The following FUT8 variants were observed in gnomAD, a reference collection of about 807,000 sequenced individuals.
FUT8 encodes alpha-(1,6)-fucosyltransferase.
FUT8 carries 29 observed loss-of-function variants against 71.3 expected under a neutral mutation model. The observed-to-expected ratio is 0.41, with a 90% CI of 0.30 to 0.55. The LOEUF (loss-of-function observed/expected upper bound fraction) is 0.55. Among genes scored for constraint, FUT8 ranks in the 20% least tolerant of loss-of-function variants. FUT8 has a pLI of 0.34. For missense variants in FUT8, 544 were observed against 702.1 expected, an observed-to-expected ratio of 0.77 and a Z score of 2.55; for synonymous variants, 254 against 239.3, an observed-to-expected ratio of 1.06 and a Z score of -0.57.
intron 3 of FUT8, among the ~76,000 whole-genome samples, chr14:65,591,780 C>T (rs1321290975): frequency 1.3e-5 from 2 of 150,048 alleles, no homozygotes; most frequent in Non-Finnish European, 3.0e-5. Flanking sequence ...TTGCCTTTCT[C>T]TTAAAGTATT....
chr14:65,642,971 G>A (rs1890909988), intron 6 of FUT8, among the ~76,000 whole-genome samples: 1 of 151,992 alleles, frequency 6.6e-6, no homozygotes, highest in South Asian at 2.1e-4. Flanking sequence ...TTCCAATATG[G>A]ATTCTAGTTG....
At position 65,563,651 on chromosome 14, in the gene FUT8, A is replaced by AT. The variant is rs942396285; in HGVS notation, c.203+1890dup. Among the ~76,000 whole-genome samples the AT allele has an allele frequency of 9.1e-4, 138 of 152,082 alleles. 1 individual carries two copies. The highest frequency in any genetic ancestry group is 3.3e-3 in the African/African-American group (135 of 41,508). ...TCATGGGAATTTTGCTCCTAAAAAG[A>AT]TTTTTCCCCTTAACAATTTAGACTT... On this transcript the variant is annotated intron_variant, in intron 3 of 10. Coordinates refer to ENST00000673929, the MANE Select transcript of FUT8 (RefSeq NM_001371533.1).
chr14:65,564,039 A>C (rs1317348961), intron 3 of FUT8, among the ~76,000 whole-genome samples: 2 of 151,974 alleles, frequency 1.3e-5, no homozygotes, highest in Non-Finnish European at 2.9e-5. Flanking sequence ...CCTCAACCTC[A>C]TTGGGCCCTT....
chr14:65,513,972 G>A (rs1013282213), intron 2 of FUT8, among the ~76,000 whole-genome samples: 12 of 152,222 alleles, frequency 7.9e-5, no homozygotes, highest in Admixed American at 2.0e-4. Context: ...TCGCTTCAGG[G>A]CACAATTTTA....
intron 6 of FUT8, among the ~76,000 whole-genome samples, chr14:65,640,553 T>G (rs1327282590): frequency 6.6e-6 from 1 of 152,128 alleles, no homozygotes; most frequent in Non-Finnish European, 1.5e-5. Context: ...CAGTATTTAC[T>G]CATATTATTT....
Position 65,613,451 on chromosome 14 carries a change from C to CA in FUT8, c.204-2526dup, listed in dbSNP as rs138669730. Among the ~76,000 whole-genome samples, 875 of 152,298 alleles carry CA rather than the reference C, an allele frequency of 5.7e-3. 31 individuals carry two copies. The East Asian group carries it at 0.093, about 16-fold the overall frequency. ...AACTTTAAAAAACTATATACCAGGA[C>CA]ATGCCTCATTTGTGAATGTATGCGT... is the stretch of plus-strand genomic sequence containing the variant. On this transcript the variant is annotated intron_variant, in intron 3 of 10. Coordinates refer to ENST00000673929, the MANE Select transcript of FUT8 (RefSeq NM_001371533.1).
intron 6 of FUT8, among the ~76,000 whole-genome samples, chr14:65,659,349 ATTG>A (rs1457453281): frequency 6.6e-6 from 1 of 152,064 alleles, no homozygotes; most frequent in African/African-American, 2.4e-5. Context: ...ATCTAGTCTA[ATTG>A]TTGTTGATGG....
chr14:65,608,586 G>A (rs781161467), intron 3 of FUT8, among the ~76,000 whole-genome samples: 1 of 151,872 alleles, frequency 6.6e-6, no homozygotes, highest in Non-Finnish European at 1.5e-5. Flanking sequence ...GTACCTTTTT[G>A]TTTGAATAAA....
At chr14:65,567,777 A>T (rs944626173) in intron 3 of FUT8, among the ~76,000 whole-genome samples, 1 of 151,876 alleles carries the variant, frequency 6.6e-6, no homozygotes, top group Non-Finnish European at 1.5e-5. Context: ...TTAAGCAGAT[A>T]TTCTCTCCCT....
chr14:65,575,572 CT>C, intron 3 of FUT8, among the ~76,000 whole-genome samples: 1 of 2,710 alleles, frequency 3.7e-4, no homozygotes, highest in Non-Finnish European at 4.7e-3. Context: ...CCCTTCTTTC[CT>C]TCCTTCCTTC....
At chr14:65,693,135 C>T (rs1893782399) in intron 7 of FUT8, among the ~76,000 whole-genome samples, 1 of 152,218 alleles carries the variant, frequency 6.6e-6, no homozygotes, top group Admixed American at 6.5e-5. Context: ...AATCTCGGCA[C>T]TTTGGGAGGC....
In FUT8 at chr14:65,439,954, G is replaced by GTATACGTATATATATATATA. The variant is rs1555360999; in HGVS notation, c.-325-15663_-325-15662insCGTATATATATATATATATA. Among the ~76,000 whole-genome samples, 39 of 74,984 alleles carry GTATACGTATATATATATATA rather than the reference G, an allele frequency of 5.2e-4. 1 individual carries two copies. Among genetic ancestry groups the GTATACGTATATATATATATA allele is most frequent in the Non-Finnish European group, 8.9e-4 (36 of 40,304 alleles). 49.2% of individuals were successfully genotyped at this position (74,984 alleles called of 152,430 possible). A position where few individuals can be genotyped will look rare whatever the true frequency, so the allele number is the denominator to read the frequency against. ...ATAAAGAAAATGTGTGTGTGTGTGTGTATATATATATATATATATATATAT... is the reference window on the plus strand; with the variant it reads ...ATAAAGAAAATGTGTGTGTGTGTGTGTATACGTATATATATATATATATATATATATATATATATATATAT... On this transcript the variant is annotated intron_variant, in intron 1 of 10. Coordinates refer to ENST00000673929, the MANE Select transcript of FUT8 (RefSeq NM_001371533.1).
Position 65,652,920 on chromosome 14 carries a change from A to G in FUT8, c.598-16323A>G, listed in dbSNP as rs958161645. On this transcript the variant is annotated intron_variant, in intron 6 of 10. Transcript: ENST00000673929. The surrounding 1 kb of genome is among the most constrained non-coding windows in gnomAD (Gnocchi z 4.0). ...ATGCGATAGCAGGGGATCATTGGCC[A>G]TCTCTCTCTGTATTGGTCTTTTCAG... is the stretch of plus-strand genomic sequence containing the variant. Among the ~76,000 whole-genome samples the G allele has an allele frequency of 2.6e-5, 4 of 152,210 alleles. No homozygotes were observed. Among genetic ancestry groups the G allele is most frequent in the Non-Finnish European group, 5.9e-5 (4 of 68,040 alleles).
intron 1 of FUT8, among the ~76,000 whole-genome samples, chr14:65,426,185 T>C (rs926392788): frequency 2.8e-4 from 43 of 152,234 alleles, no homozygotes; most frequent in Non-Finnish European, 5.9e-4. Flanking sequence ...TTAGATTCCA[T>C]ATATAAGTAA....
chr14:65,586,563 C>T (rs749403899), intron 3 of FUT8, among the ~76,000 whole-genome samples: 14 of 152,000 alleles, frequency 9.2e-5, no homozygotes, highest in African/African-American at 3.4e-4. Context: ...AAAGTTTAAC[C>T]GTGAAGAATA....
At chr14:65,729,895 G>A (rs1182309904) in intron 9 of FUT8, among the ~76,000 whole-genome samples, 2 of 151,954 alleles carry the variant, frequency 1.3e-5, no homozygotes, top group Admixed American at 6.6e-5. Flanking sequence ...AGCCTTTTAT[G>A]CATAATTTTT....
At chr14:65,610,391 C>CTTT (rs61112886) in intron 3 of FUT8, among the ~76,000 whole-genome samples, 1 of 140,664 alleles carries the variant, frequency 7.1e-6, no homozygotes, top group African/African-American at 2.6e-5. Context: ...TTTCTGACAC[C>CTTT]TTTTTTTTTT....
At chr14:65,364,896 A>G in the FUT8 span, among the ~76,000 whole-genome samples, 7 of 151,992 alleles carry the variant, frequency 4.6e-5, no homozygotes, top group African/African-American at 7.3e-5. Flanking sequence ...TGGATTGCAC[A>G]TGTGTCTTCT....
intron 6 of FUT8, among the ~76,000 whole-genome samples, chr14:65,651,904 C>G (rs1435771823): frequency 1.3e-5 from 2 of 152,024 alleles, no homozygotes; most frequent in Non-Finnish European, 2.9e-5. Context: ...GAGAAAATTA[C>G]AGAAACATCT....
Sources: allele counts gnomAD v4.1 joint callset (sites outside exome capture counted in the v4.1 genomes callset), GRCh38; gene constraint gnomAD v4.1.1; non-coding constraint Gnocchi (gnomAD v3.1); transcripts MANE v1.5; gene names NCBI Gene and HGNC (gene_info 2026-07-23, HGNC 2026-07-21).